Variants in TENM3 observed in about 807,000 individuals in gnomAD.
TENM3 encodes teneurin-3.
Under a neutral mutation model 255.1 loss-of-function variants are expected in TENM3, and 63 were observed. That is an observed-to-expected ratio of 0.25 (90% CI 0.20 to 0.30). The LOEUF (loss-of-function observed/expected upper bound fraction) is 0.30, where lower values mean the gene tolerates loss of function less well. TENM3 is among the 10% of genes least tolerant of loss of function. The pLI, the probability that TENM3 is intolerant of heterozygous loss-of-function variation, is 1.00. For missense variants in TENM3, 2,929 were observed against 3,461.1 expected (o/e 0.85, Z 3.86); for synonymous variants, 1,306 against 1,322.3 (o/e 0.99, Z 0.27).
the TENM3 span, among the ~76,000 whole-genome samples, chr4:181,452,807 A>G: frequency 6.6e-6 from 1 of 152,218 alleles, no homozygotes; most frequent in Non-Finnish European, 1.5e-5. Context: ...GAAAAAGCAA[A>G]GAGGAAAGCA....
Position 182,601,100 on chromosome 4 carries a change from C to CCCGAGT in TENM3, c.692_697dup (p.Glu231_Ser232dup). ...TTTGCCCGCCGAGCTGCAAACCACA[C>CCCGAGT]CCGAGTCCGTCCAGCTGCAGGACAG... is the stretch of plus-strand genomic sequence containing the variant. On this transcript the variant is annotated inframe_insertion, in exon 4 of 28. Coordinates refer to ENST00000511685, the MANE Select transcript of TENM3 (RefSeq NM_001080477.4). 6.2e-7 allele frequency: 1 copy of CCCGAGT among 1,613,854 alleles called. No homozygotes were observed. The highest frequency in any genetic ancestry group is 1.7e-5 in the Admixed American group (1 of 60,000).
chr4:182,640,626 A>T (rs181891626), intron 5 of TENM3, among the ~76,000 whole-genome samples: 1 of 152,176 alleles, frequency 6.6e-6, no homozygotes, highest in African/African-American at 2.4e-5. Flanking sequence ...GAAGCATTGC[A>T]TGTTTAAAAT....
At chr4:181,981,578 CAG>C in the TENM3 span, among the ~76,000 whole-genome samples, 4 of 152,010 alleles carry the variant, frequency 2.6e-5, no homozygotes, top group African/African-American at 9.7e-5. Flanking sequence ...TTCATCAAAA[CAG>C]AGAGAAAGAG....
chr4:182,517,679 G>A (rs569774248), intron 3 of TENM3, among the ~76,000 whole-genome samples: 8 of 129,972 alleles, frequency 6.2e-5, no homozygotes, highest in South Asian at 2.3e-4. Context: ...CACCGCGCCC[G>A]GCCAAACAAA....
At chr4:182,339,219 T>C (rs545517559) in intron 2 of TENM3, among the ~76,000 whole-genome samples, 1 of 152,340 alleles carries the variant, frequency 6.6e-6, no homozygotes, top group South Asian at 2.1e-4. Flanking sequence ...CCAAAGTTTA[T>C]TACTTTTAAA....
chr4:182,628,307 G>A (rs1056345534), intron 4 of TENM3, among the ~76,000 whole-genome samples: 4 of 151,974 alleles, frequency 2.6e-5, no homozygotes, highest in Admixed American at 2.0e-4. Context: ...ATTCATCAAG[G>A]GACATTCCAA....
intron 3 of TENM3, among the ~76,000 whole-genome samples, chr4:182,435,580 G>A (rs774923321): frequency 3.3e-5 from 5 of 152,174 alleles, no homozygotes; most frequent in Non-Finnish European, 7.3e-5. Context: ...GGCTGGCATC[G>A]GTGAACAGGC....
chr4:182,140,986 T>TCCCCCCCCCCCCCCCCCCCCCCCC (rs199951374), upstream of TENM3, among the ~76,000 whole-genome samples: 2 of 115,654 alleles, frequency 1.7e-5, no homozygotes, highest in African/African-American at 6.3e-5. Context: ...GCCCATTATA[T>TCCCCCCCCCCCCCCCCCCCCCCCC]CCCTCCCCCC....
chr4:182,694,253 G>A (rs1757221667), intron 12 of TENM3, among the ~76,000 whole-genome samples: 1 of 152,038 alleles, frequency 6.6e-6, no homozygotes, highest in Admixed American at 6.5e-5. Context: ...GGGACCTCAG[G>A]AGTGTGCCAC....
At chr4:181,522,488 A>G in the TENM3 span, among the ~76,000 whole-genome samples, 5 of 152,202 alleles carry the variant, frequency 3.3e-5, no homozygotes, top group Non-Finnish European at 7.3e-5. Flanking sequence ...TGATTATTAG[A>G]AAGACTGTGG....
At chr4:181,897,593 C>G in the TENM3 span, among the ~76,000 whole-genome samples, 2 of 152,154 alleles carry the variant, frequency 1.3e-5, no homozygotes, top group Non-Finnish European at 2.9e-5. Context: ...AGATTCATAG[C>G]GTTGATCAAA....
At chr4:181,994,508 T>G in the TENM3 span, among the ~76,000 whole-genome samples, 3 of 152,010 alleles carry the variant, frequency 2.0e-5, no homozygotes, top group Admixed American at 6.5e-5. Flanking sequence ...TTTTGTTTTC[T>G]TTTACTTTGT....
At chr4:182,361,599 G>T (rs898026724) in intron 3 of TENM3, among the ~76,000 whole-genome samples, 6 of 151,668 alleles carry the variant, frequency 4.0e-5, no homozygotes, top group Non-Finnish European at 8.8e-5. Flanking sequence ...CTCTGTATTG[G>T]TTATTCTAGT....
chr4:182,028,796 G>A, the TENM3 span, among the ~76,000 whole-genome samples: 1 of 152,050 alleles, frequency 6.6e-6, no homozygotes, highest in Non-Finnish European at 1.5e-5. Context: ...TATTCCATGT[G>A]TTTGGAGAAG....
the TENM3 span, among the ~76,000 whole-genome samples, chr4:181,551,637 G>C: frequency 6.6e-6 from 1 of 152,062 alleles, no homozygotes; most frequent in African/African-American, 2.4e-5. Flanking sequence ...TAGGGCAATC[G>C]TTGTCACAAA....
the TENM3 span, among the ~76,000 whole-genome samples, chr4:181,757,939 T>C: frequency 1.3e-5 from 2 of 152,302 alleles, no homozygotes; most frequent in South Asian, 2.1e-4. Context: ...ATCTATGATT[T>C]GCAAGCTACT....
At chr4:181,449,302 G>T in the TENM3 span, among the ~76,000 whole-genome samples, 4 of 152,242 alleles carry the variant, frequency 2.6e-5, no homozygotes, top group African/African-American at 9.6e-5. Flanking sequence ...CTGGTGGGTT[G>T]AGCCGACCTA....
chr4:182,708,350 T>C (rs1025521425), intron 12 of TENM3, among the ~76,000 whole-genome samples: 3 of 151,566 alleles, frequency 2.0e-5, no homozygotes, highest in African/African-American at 7.3e-5. Flanking sequence ...AGCTAGAAAT[T>C]TAGGAATCAT....
At chr4:182,001,902 A>G in the TENM3 span, among the ~76,000 whole-genome samples, 26 of 152,160 alleles carry the variant, frequency 1.7e-4, no homozygotes, top group African/African-American at 6.0e-4. Flanking sequence ...GATTGGTTCA[A>G]CAATTGGTAC....
Sources: allele counts gnomAD v4.1 joint callset (sites outside exome capture counted in the v4.1 genomes callset), GRCh38; gene constraint gnomAD v4.1.1; transcripts MANE v1.5; gene names NCBI Gene and HGNC (gene_info 2026-07-23, HGNC 2026-07-21).